Variants in APC observed in about 807,000 individuals in gnomAD.
The protein encoded by APC is APC regulator of Wnt signaling pathway.
Under a neutral mutation model 247.0 loss-of-function variants are expected in APC, and 72 were observed. The observed-to-expected ratio is 0.29, with a 90% CI of 0.24 to 0.35. The LOEUF (loss-of-function observed/expected upper bound fraction) is 0.35. APC is among the 10% of genes least tolerant of loss of function. The pLI, the probability that APC is intolerant of heterozygous loss-of-function variation, is 1.00. For missense variants in APC, 3,400 were observed against 3,360.7 expected (o/e 1.01, Z -0.29); for synonymous variants, 1,254 against 1,162.5 (o/e 1.08, Z -1.60).
Position 112,789,638 on chromosome 5 carries a change from A to G in APC, c.646-2808A>G, listed in dbSNP as rs1759350673. Among the ~76,000 whole-genome samples the G allele has an allele frequency of 2.6e-5, 4 of 152,166 alleles. No individual in the cohort carries two copies. In the South Asian group the frequency reaches 8.3e-4, roughly 32 times the overall value. On this transcript the variant is annotated intron_variant, in intron 6 of 15. Transcript: ENST00000257430. ...ATGGAAGGGAGCTAATTATATAGAA[A>G]CTGATTATATAGAAAAGGAGGAAAC...
chr5:112,811,423 C>T (rs544742235), intron 8 of APC, among the ~76,000 whole-genome samples: 21 of 152,256 alleles, frequency 1.4e-4, no homozygotes, highest in African/African-American at 3.6e-4. Context: ...CTAGTCCCTC[C>T]GAAAGAAGTT....
chr5:112,830,403 C>A (rs1172903294), intron 14 of APC, among the ~76,000 whole-genome samples: 1 of 152,046 alleles, frequency 6.6e-6, no homozygotes, highest in African/African-American at 2.4e-5. Context: ...AAAGATTGAC[C>A]ATGCATTTTC....
At chr5:112,739,667 A>G (rs1476414950) in intron 1 of APC, among the ~76,000 whole-genome samples, 1 of 152,182 alleles carries the variant, frequency 6.6e-6, no homozygotes, top group African/African-American at 2.4e-5. Context: ...CTTGGCGTTC[A>G]AGACCAGCCT....
chr5:112,718,039 T>C (rs1246258667), intron 1 of APC, among the ~76,000 whole-genome samples: 2 of 149,012 alleles, frequency 1.3e-5, no homozygotes, highest in Non-Finnish European at 3.0e-5. Flanking sequence ...TATTAACTCA[T>C]TCAGTAAATA....
chr5:112,799,246 G>C (rs1412873505), intron 7 of APC, among the ~76,000 whole-genome samples: 1 of 145,584 alleles, frequency 6.9e-6, no homozygotes, highest in Non-Finnish European at 1.5e-5. Flanking sequence ...CATAATTAAT[G>C]ATCTGTTCCT....
At position 112,805,008 on chromosome 5, in the gene APC, T is replaced by TA. The variant is rs574688971; in HGVS notation, c.834+3636dup. 7.3e-4 allele frequency among the ~76,000 whole-genome samples: 104 copies of TA among 142,006 alleles called. No homozygotes were observed. The South Asian group carries it at 7.8e-3, about 11-fold the overall frequency. The allele number at this position is 142,006 out of a possible 152,430, so 93.2% of individuals were successfully genotyped here. A position where few individuals can be genotyped will look rare whatever the true frequency, so the allele number is the denominator to read the frequency against. ...TAATTTTTATTTTTTGTCTAAAAAA[T>TA]AAAAAAAAAAACTTAAAAGCAAGTA... is the stretch of plus-strand genomic sequence containing the variant. On this transcript the variant is annotated intron_variant, in intron 8 of 15. Transcript: ENST00000257430.
intron 1 of APC, among the ~76,000 whole-genome samples, chr5:112,723,403 A>G (rs1751594198): frequency 6.6e-6 from 1 of 152,120 alleles, no homozygotes; most frequent in Non-Finnish European, 1.5e-5. Flanking sequence ...CGGAGGTTGC[A>G]GTGAGCCAAG....
rs786203125 is a variant in APC, at chr5:112,801,276, C to A, written c.730-3C>A. On this transcript the variant is annotated splice_region_variant and splice_polypyrimidine_tract_variant and intron_variant, in intron 7 of 15. Transcript: ENST00000257430. The stretch of plus-strand genomic sequence containing the variant: ...TGTACTGATGTTAACTCCATCTTAA[C>A]AGAGGTCATCTCAGAACAAGCATGA... 6.2e-7 allele frequency: 1 copy of A among 1,611,536 alleles called. No individual in the cohort carries two copies. Among genetic ancestry groups the A allele is most frequent in the Non-Finnish European group, 8.5e-7 (1 of 1,178,234 alleles).
At chr5:112,798,635 A>G (rs1760459855) in intron 7 of APC, among the ~76,000 whole-genome samples, 1 of 152,220 alleles carries the variant, frequency 6.6e-6, no homozygotes, top group Non-Finnish European at 1.5e-5. Flanking sequence ...AAATGAGGAA[A>G]CTAGTTAGAA....
Position 112,842,516 on chromosome 5 carries a change from A to T in APC, c.6922A>T (p.Thr2308Ser). The change falls in exon 16 of 16, where the codon ACC becomes TCC. Residue 2308 changes from threonine (T) to serine (S), a missense_variant. Thr to Ser is a moderately conservative substitution (Grantham distance 58). Transcript: ENST00000257430. Reference protein sequence around the residue: ...APSRSGSRDSTPSRPAQQPLS... With the variant: ...APSRSGSRDSSPSRPAQQPLS... ...TTCTAGATCAGGATCTAGAGATTCGACCCCTTCAAGACCTGCCCAGCAACC... is the reference window on the plus strand; with the variant it reads ...TTCTAGATCAGGATCTAGAGATTCGTCCCCTTCAAGACCTGCCCAGCAACC... The T allele has an allele frequency of 6.2e-7, 1 of 1,613,864 alleles. No individual in the cohort carries two copies. Among genetic ancestry groups the T allele is most frequent in the Non-Finnish European group, 8.5e-7 (1 of 1,179,930 alleles).
intron 1 of APC, among the ~76,000 whole-genome samples, chr5:112,731,508 A>G (rs906508715): frequency 6.6e-6 from 1 of 152,102 alleles, no homozygotes; most frequent in Non-Finnish European, 1.5e-5. Context: ...ACATTAATCC[A>G]TTACTGAGGG....
intron 15 of APC, among the ~76,000 whole-genome samples, chr5:112,836,009 CTTTTTTTT>C (rs371484714): frequency 3.8e-4 from 40 of 106,330 alleles, no homozygotes; most frequent in African/African-American, 1.4e-3. Context: ...ATACAACTGT[CTTTTTTTT>C]TTTTTTTTTT....
rs1211270745 is a variant in APC, at chr5:112,803,660, T to C, written c.834+2277T>C. On this transcript the variant is annotated intron_variant, in intron 8 of 15. Transcript: ENST00000257430. ...TGTTGTTAACAAGTGTTAATAATTA[T>C]CTTTAAATTAACAAATATGCCAGAT... Among the ~76,000 whole-genome samples the C allele has an allele frequency of 2.0e-5, 3 of 152,214 alleles. No individual in the cohort carries two copies. In the East Asian group the frequency reaches 5.8e-4, roughly 29 times the overall value.
chr5:112,787,776 A>G (rs1759130912), intron 6 of APC, among the ~76,000 whole-genome samples: 1 of 152,190 alleles, frequency 6.6e-6, no homozygotes, highest in Non-Finnish European at 1.5e-5. Context: ...AACTTTTATG[A>G]TAGAGCTAAA....
intron 8 of APC, among the ~76,000 whole-genome samples, chr5:112,812,834 G>T (rs1762124585): frequency 6.6e-6 from 1 of 152,214 alleles, no homozygotes; most frequent in Non-Finnish European, 1.5e-5. Flanking sequence ...AATATTTGTT[G>T]CTTGGTTGCA....
At chr5:112,770,192 A>G (rs1756884596) in intron 4 of APC, among the ~76,000 whole-genome samples, 1 of 152,220 alleles carries the variant, frequency 6.6e-6, no homozygotes, top group Non-Finnish European at 1.5e-5. Flanking sequence ...GTGGTAAGGA[A>G]TACTTGTAAT....
rs112144025 is a variant in APC, at chr5:112,738,564, G to A, written c.-19+639G>A. The A allele has an allele frequency of 1.2e-3, 1,089 of 900,794 alleles. 16 individuals carry two copies. In the African/African-American group the frequency reaches 0.018, roughly 15 times the overall value. The allele number at this position is 900,794 out of a possible 1,614,324, so 55.8% of individuals were successfully genotyped here. A position where few individuals can be genotyped will look rare whatever the true frequency, so the allele number is the denominator to read the frequency against. Reference sequence around the variant, plus strand: ...AAGTAAACTCCCTGTGAACAGGGTGGCAAACAGATACCAGTGTCTTTGTTA... The same window carrying A: ...AAGTAAACTCCCTGTGAACAGGGTGACAAACAGATACCAGTGTCTTTGTTA... On this transcript the variant is annotated intron_variant, in intron 1 of 15. Transcript: ENST00000257430.
intron 2 of APC, among the ~76,000 whole-genome samples, chr5:112,759,514 C>T (rs939870655): frequency 6.6e-6 from 1 of 151,770 alleles, no homozygotes; most frequent in African/African-American, 2.4e-5. Flanking sequence ...TGCACCACCA[C>T]GCCCAGCTAA....
At chr5:112,709,177 G>A (rs900480279) in intron 1 of APC, among the ~76,000 whole-genome samples, 3 of 152,182 alleles carry the variant, frequency 2.0e-5, no homozygotes, top group Admixed American at 6.5e-5. Context: ...AAGTTGTTAA[G>A]CACAAACTAT....
Sources: gnomAD v4.1 joint callset for allele counts (sites outside exome capture counted in the v4.1 genomes callset) on GRCh38, gnomAD v4.1.1 for gene constraint, MANE v1.5 for transcripts, NCBI Gene and HGNC (gene_info 2026-07-23, HGNC 2026-07-21) for gene names.